Variants in GRIK5 observed in about 807,000 individuals in gnomAD.
The protein encoded by GRIK5 is glutamate ionotropic receptor kainate type subunit 5, also known as glutamate receptor ionotropic, kainate 5.
In GRIK5, 43 loss-of-function variants were observed where a neutral mutation model predicts 97.4. The observed-to-expected ratio is 0.44, with a 90% CI of 0.35 to 0.57. The LOEUF (loss-of-function observed/expected upper bound fraction) is 0.57, where lower values mean the gene tolerates loss of function less well. Ranked by LOEUF, GRIK5 falls within the 20% of genes least tolerant of loss-of-function variation. The pLI is 0.01. For synonymous variants in GRIK5, 580 were observed against 583.5 expected (o/e 0.99, Z 0.09); for missense variants, 1,015 against 1,382.0 (o/e 0.73, Z 4.21).
At chr19:42,026,662 G>C (rs540030987) in intron 12 of GRIK5, among the ~76,000 whole-genome samples, 1 of 151,592 alleles carries the variant, frequency 6.6e-6, no homozygotes, top group African/African-American at 2.4e-5. Context: ...TCCACCTCCC[G>C]GGCTCAAGCA....
intron 12 of GRIK5, among the ~76,000 whole-genome samples, chr19:42,032,803 T>C (rs1255022815): frequency 1.3e-5 from 2 of 152,198 alleles, no homozygotes; most frequent in East Asian, 3.8e-4. Context: ...CTTCCTCTTA[T>C]GCACATCCAA....
chr19:42,042,833 G>A lies in GRIK5; in HGVS notation c.1270-78C>T. On this transcript the variant is annotated intron_variant, in intron 11 of 19. Transcript: ENST00000593562. This position sits in a 1 kb window ranked among gnomAD's most constrained non-coding sequence, Gnocchi z 6.9. ...TTGCGGATCCTGGAGCCCGGACCAG[G>A]CAGGTAGAGCAGGAATCTGCTTGCT... 1 of 1,037,750 alleles carries A rather than the reference G, an allele frequency of 9.6e-7. No homozygotes were observed. The highest frequency in any genetic ancestry group is 1.4e-6 in the Non-Finnish European group (1 of 694,330). The allele number at this position is 1,037,750 out of a possible 1,614,324, so 64.3% of individuals were successfully genotyped here.
chr19:42,051,198 C>T (rs1391690539), intron 11 of GRIK5, among the ~76,000 whole-genome samples: 1 of 152,100 alleles, frequency 6.6e-6, no homozygotes, highest in South Asian at 2.1e-4. Context: ...GCGAGACCAG[C>T]GGCTGAGGAG....
intron 5 of GRIK5, among the ~76,000 whole-genome samples, chr19:42,060,183 C>A (rs1161866556): frequency 6.6e-6 from 1 of 151,890 alleles, no homozygotes; most frequent in Non-Finnish European, 1.5e-5. Context: ...CCCCTTGTTA[C>A]TGCCCAGACT....
At chr19:42,061,398 T>C (rs966397040) in intron 5 of GRIK5, among the ~76,000 whole-genome samples, 3 of 151,910 alleles carry the variant, frequency 2.0e-5, no homozygotes, top group African/African-American at 7.3e-5. Flanking sequence ...AGGCTGGTCT[T>C]GAACTCCTGG....
In GRIK5 at chr19:41,999,208, C is replaced by T. The variant is rs1460754828; in HGVS notation, c.2606G>A (p.Gly869Asp). ...CAGTGACAGCAGGGCCCGGCTCGGG[C>T]CGCCCGGGCGTCGGCGCCGGCGGGA... ...SRSRRRRRPG[G>D]PSRALLSLRA... The change falls in exon 20 of 20, where the codon GGC becomes GAC. Residue 869 changes from glycine (G) to aspartate (D), a missense_variant. This residue lies in a region of GRIK5 where 229 missense variants were observed against 341.0 expected (regional missense o/e 0.67). Coordinates refer to ENST00000593562, the MANE Select transcript of GRIK5 (RefSeq NM_002088.5). The surrounding 1 kb of genome is among the most constrained non-coding windows in gnomAD (Gnocchi z 5.0). 1.3e-6 allele frequency: 2 copies of T among 1,518,064 alleles called. No homozygotes were observed. The highest frequency in any genetic ancestry group is 5.2e-5 in the East Asian group (2 of 38,364). The allele number at this position is 1,518,064 out of a possible 1,614,324, so 94.0% of individuals were successfully genotyped here. A position where few individuals can be genotyped will look rare whatever the true frequency, so the allele number is the denominator to read the frequency against.
intron 12 of GRIK5, among the ~76,000 whole-genome samples, chr19:42,033,024 TA>T (rs2075857503): frequency 1.3e-5 from 2 of 152,072 alleles, no homozygotes; most frequent in Admixed American, 6.5e-5. Context: ...TATTCAGCCA[TA>T]AAAAGGAATG....
rs1555871230 is a variant in GRIK5 at position 42,002,511 on chromosome 19, A to G, written c.2514+821T>C. The G allele has an allele frequency of 1.4e-6, 1 of 711,314 alleles. No individual in the cohort carries two copies. Among genetic ancestry groups the G allele is most frequent in the South Asian group, 1.5e-5 (1 of 66,920 alleles). 44.1% of individuals were successfully genotyped at this position (711,314 alleles called of 1,614,324 possible). On this transcript the variant is annotated intron_variant, in intron 19 of 19. Coordinates refer to ENST00000593562, the MANE Select transcript of GRIK5 (RefSeq NM_002088.5). This position sits in a 1 kb window ranked among gnomAD's most constrained non-coding sequence, Gnocchi z 5.2. The stretch of plus-strand genomic sequence containing the variant: ...TCAGAGGAGTCCTTGGGCCAAGTGC[A>G]GAACACTGGCAGGCAGCTGGATGCA...
intron 11 of GRIK5, among the ~76,000 whole-genome samples, chr19:42,048,869 T>C (rs1209479458): frequency 6.6e-6 from 1 of 151,994 alleles, no homozygotes; most frequent in East Asian, 1.9e-4. Context: ...TAAAACCCTG[T>C]CAATTAAAAA....
chr19:42,038,362 T>A (rs947904228), intron 12 of GRIK5, among the ~76,000 whole-genome samples: 1 of 152,242 alleles, frequency 6.6e-6, no homozygotes, highest in African/African-American at 2.4e-5. Context: ...TGCCCCAGGC[T>A]GTCTTCCATC....
At chr19:42,059,665 G>T in intron 5 of GRIK5, 138 bp from the exon 6 acceptor site, 1 of 680,658 alleles carries the variant, frequency 1.5e-6, no homozygotes, top group East Asian at 2.8e-5. Context: ...TGGGTCCCAT[G>T]GGGTAATGGG....
intron 15 of GRIK5, among the ~76,000 whole-genome samples, chr19:42,020,878 G>A (rs1290537155): frequency 6.6e-6 from 1 of 152,172 alleles, no homozygotes; most frequent in East Asian, 1.9e-4. Context: ...CTTTGGAGTA[G>A]TCATTCTTTT....
intron 12 of GRIK5, among the ~76,000 whole-genome samples, chr19:42,024,256 A>G (rs1429542555): frequency 7.1e-6 from 1 of 139,938 alleles, no homozygotes; most frequent in African/African-American, 2.7e-5. Flanking sequence ...TCTGTCACCC[A>G]GGCTGGAGTG....
At position 42,042,868 on chromosome 19, in the gene GRIK5, T is replaced by A; in HGVS notation, c.1270-113A>T. 1.3e-6 allele frequency: 1 copy of A among 756,608 alleles called. No individual in the cohort carries two copies. Among genetic ancestry groups the A allele is most frequent in the South Asian group, 1.7e-5 (1 of 57,430 alleles). The allele number at this position is 756,608 out of a possible 1,614,324, so 46.9% of individuals were successfully genotyped here. On this transcript the variant is annotated intron_variant, in intron 11 of 19. Coordinates refer to ENST00000593562, the MANE Select transcript of GRIK5 (RefSeq NM_002088.5). The surrounding 1 kb of genome is among the most constrained non-coding windows in gnomAD (Gnocchi z 6.9). ...CAGGAATCTGCTTGCTGAGCACGGT[T>A]GATTTATTCATAGTACACATTTCTC...
At chr19:42,043,683 G>T (rs2146111363) in intron 11 of GRIK5, among the ~76,000 whole-genome samples, 1 of 152,152 alleles carries the variant, frequency 6.6e-6, no homozygotes, top group East Asian at 1.9e-4. Flanking sequence ...AAGTGCAGGT[G>T]TGAGCCATCG....
At chr19:42,059,658 G>C (rs1158096780) in intron 5 of GRIK5, 131 bp from the exon 6 acceptor site, 1 of 710,896 alleles carries the variant, frequency 1.4e-6, no homozygotes, top group Non-Finnish European at 2.3e-6. Flanking sequence ...GGGCAGCTGG[G>C]TCCCATGGGG....
Position 42,054,304 on chromosome 19 carries a change from C to T in GRIK5, c.1056+16G>A, listed in dbSNP as rs1445025512. The T allele has an allele frequency of 1.3e-6, 2 of 1,598,740 alleles. No individual in the cohort carries two copies. Among genetic ancestry groups the T allele is most frequent in the Non-Finnish European group, 1.7e-6 (2 of 1,170,594 alleles). On this transcript the variant is annotated intron_variant, in intron 9 of 19. Coordinates refer to ENST00000593562, the MANE Select transcript of GRIK5 (RefSeq NM_002088.5). ...GCCGTGTCCTGCCTCCTCCACCCATCCCCGCTCGGGCTCACCATGCGCAGG... is the reference window on the plus strand; with the variant it reads ...GCCGTGTCCTGCCTCCTCCACCCATTCCCGCTCGGGCTCACCATGCGCAGG...
chr19:42,033,591 C>G (rs1302705350), intron 12 of GRIK5, among the ~76,000 whole-genome samples: 3 of 152,034 alleles, frequency 2.0e-5, no homozygotes, highest in African/African-American at 7.2e-5. Flanking sequence ...CGTTTTGGAG[C>G]TAGATAGCAA....
intron 15 of GRIK5, among the ~76,000 whole-genome samples, chr19:42,011,425 C>T (rs1040713201): frequency 1.3e-5 from 2 of 151,572 alleles, no homozygotes; most frequent in African/African-American, 4.8e-5. Context: ...TGGTAGCGGG[C>T]GCCTGTGGTC....
Sources: gnomAD v4.1 joint callset for allele counts (sites outside exome capture counted in the v4.1 genomes callset) on GRCh38, gnomAD v4.1.1 for gene constraint, gnomAD v4.1.1 regional missense constraint, Gnocchi (gnomAD v3.1) non-coding constraint, MANE v1.5 for transcripts, NCBI Gene and HGNC (gene_info 2026-07-23, HGNC 2026-07-21) for gene names.